MEF2C: variants seen among roughly 807,000 people sequenced by gnomAD.
MEF2C encodes myocyte-specific enhancer factor 2C.
MEF2C carries 6 observed loss-of-function variants against 50.5 expected under a neutral mutation model. The ratio of observed to expected loss-of-function variants is 0.12; its 90% CI spans 0.07 to 0.23. MEF2C has a LOEUF of 0.23. Among genes scored for constraint, MEF2C ranks in the 10% least tolerant of loss-of-function variants. The pLI, the probability that MEF2C is intolerant of heterozygous loss-of-function variation, is 1.00. For synonymous variants in MEF2C, 183 were observed against 228.0 expected (o/e 0.80, Z 1.78); for missense variants, 276 against 605.0 (o/e 0.46, Z 5.70).
intron 1 of MEF2C, chr5:88,880,877 C>T (rs1037928468): frequency 2.6e-5 from 4 of 151,936 alleles, no homozygotes; most frequent in African/African-American, 9.7e-5. Flanking sequence ...ATAAATTGCT[C>T]ATTTGTTATT....
chr5:88,737,832 G>A, intron 6 of MEF2C: 12 of 985,358 alleles, frequency 1.2e-5, no homozygotes, highest in Non-Finnish European at 1.4e-5. Context: ...ACTTTACACT[G>A]TAGGCTTTAT....
At chr5:88,898,998 G>T (rs1449758103) in intron 1 of MEF2C, among the ~76,000 whole-genome samples, 1 of 152,096 alleles carries the variant, frequency 6.6e-6, no homozygotes, top group Non-Finnish European at 1.5e-5. Flanking sequence ...AGCATTGTGT[G>T]TGGAGAATAT....
intron 3 of MEF2C, among the ~76,000 whole-genome samples, chr5:88,768,249 G>C (rs1277568215): frequency 5.3e-5 from 8 of 152,080 alleles, no homozygotes; most frequent in African/African-American, 1.9e-4. Context: ...ATTCACTTTG[G>C]AGTTTCACCA....
chr5:88,872,499 G>T (rs1459969300), intron 1 of MEF2C, among the ~76,000 whole-genome samples: 1 of 151,968 alleles, frequency 6.6e-6, no homozygotes, highest in African/African-American at 2.4e-5. Context: ...TACTTGCTCT[G>T]AATGTGACCC....
In MEF2C at chr5:88,800,583, G is replaced by A. The variant is rs563451128; in HGVS notation, c.258+4015C>T. Among the ~76,000 whole-genome samples, 23 of 152,232 alleles carry A rather than the reference G, an allele frequency of 1.5e-4. 1 individual carries two copies. In the South Asian group the frequency reaches 4.4e-3, roughly 29 times the overall value. The stretch of plus-strand genomic sequence containing the variant: ...TACTCAACAACCACATCTTCTTCCA[G>A]GAACAGAGCCCAACATAAACTGGTA... On this transcript the variant is annotated intron_variant, in intron 3 of 10. Coordinates refer to ENST00000504921, the MANE Select transcript of MEF2C (RefSeq NM_002397.5).
intron 1 of MEF2C, among the ~76,000 whole-genome samples, chr5:88,852,850 G>A (rs1410893266): frequency 1.3e-5 from 2 of 152,222 alleles, no homozygotes; most frequent in East Asian, 1.9e-4. Context: ...GAGAGGTGGC[G>A]CTTGCAGTGA....
At chr5:88,742,874 T>TA in intron 6 of MEF2C, 2 of 985,126 alleles carry the variant, frequency 2.0e-6, no homozygotes, top group Non-Finnish European at 2.4e-6. Context: ...TGTAGCTATC[T>TA]AATTTGAGGA....
chr5:88,846,070 C>CTT (rs869122348), intron 1 of MEF2C, among the ~76,000 whole-genome samples: 9 of 140,084 alleles, frequency 6.4e-5, no homozygotes, highest in East Asian at 4.1e-4. Flanking sequence ...TACTTCAAGT[C>CTT]TTTTTTTTTT....
intron 3 of MEF2C, among the ~76,000 whole-genome samples, chr5:88,803,771 C>T (rs1799297647): frequency 6.6e-6 from 1 of 151,820 alleles, no homozygotes; most frequent in Non-Finnish European, 1.5e-5. Context: ...ACAATGTGCA[C>T]ATGTACCCTA....
rs763339882 is a variant in MEF2C, at chr5:88,729,246, T to C, written c.936A>G (p.Pro312=). 27 of 1,613,184 alleles carry C rather than the reference T, an allele frequency of 1.7e-5. 1 individual carries two copies. The highest frequency in any genetic ancestry group is 1.3e-4 in the South Asian group (12 of 91,072). The change falls in exon 9 of 11, where the codon CCA becomes CCG. Residue 312 remains proline, a synonymous_variant. Transcript: ENST00000504921. ...TLPGQGMGGY[P]SAISTTYGTE... ...TACCATATGTTGTTGAAATGGCTGATGGATATCCTCCCATTCCTTGTCCTG... is the reference window on the plus strand; with the variant it reads ...TACCATATGTTGTTGAAATGGCTGACGGATATCCTCCCATTCCTTGTCCTG...
chr5:88,851,516 T>C (rs540905645), intron 1 of MEF2C, among the ~76,000 whole-genome samples: 9 of 152,306 alleles, frequency 5.9e-5, no homozygotes, highest in Admixed American at 2.0e-4. Context: ...TCCATTTTGA[T>C]GTCAATCAAC....
rs113072006 is a variant in MEF2C at position 88,771,628 on chromosome 5, A to G, written c.259-10300T>C. The G allele has an allele frequency of 7.4e-4, 727 of 985,186 alleles. 4 individuals are homozygous for G. The African/African-American group carries it at 0.012, about 16-fold the overall frequency. 61.0% of individuals were successfully genotyped at this position (985,186 alleles called of 1,614,324 possible). ...GGCTTGGGTAATATGTGTGGACTCA[A>G]CCAAGATTCTCAGTTATGGTTCACT... On this transcript the variant is annotated intron_variant, in intron 3 of 10. Coordinates refer to ENST00000504921, the MANE Select transcript of MEF2C (RefSeq NM_002397.5).
chr5:88,757,273 G>C (rs1280915844), intron 4 of MEF2C, among the ~76,000 whole-genome samples: 2 of 152,146 alleles, frequency 1.3e-5, no homozygotes, highest in East Asian at 3.8e-4. Flanking sequence ...AAATAAAATA[G>C]TTAAAGTAAA....
At chr5:88,858,164 A>G (rs765819537) in intron 1 of MEF2C, among the ~76,000 whole-genome samples, 2 of 152,172 alleles carry the variant, frequency 1.3e-5, no homozygotes, top group African/African-American at 2.4e-5. Context: ...CAATGCATAC[A>G]TCTTTCCTCC....
At chr5:88,857,354 T>C (rs1186637931) in intron 1 of MEF2C, among the ~76,000 whole-genome samples, 1 of 152,176 alleles carries the variant, frequency 6.6e-6, no homozygotes, top group Non-Finnish European at 1.5e-5. Flanking sequence ...CTAACTAACA[T>C]GCTTTTGATA....
chr5:88,772,875 G>A, intron 3 of MEF2C: 2 of 985,432 alleles, frequency 2.0e-6, no homozygotes, highest in Non-Finnish European at 2.4e-6. Context: ...TATGCCCTGT[G>A]AAGAACAAAC....
At chr5:88,820,009 T>C (rs1807478183) in intron 2 of MEF2C, among the ~76,000 whole-genome samples, 1 of 151,998 alleles carries the variant, frequency 6.6e-6, no homozygotes, top group Non-Finnish European at 1.5e-5. Context: ...GTAATATTTG[T>C]TGATTTCACA....
intron 2 of MEF2C, among the ~76,000 whole-genome samples, chr5:88,819,972 A>G (rs200259002): frequency 6.6e-6 from 1 of 151,984 alleles, no homozygotes; most frequent in East Asian, 1.9e-4. Context: ...ACCACTGAAT[A>G]CTTGGTGTTA....
At chr5:88,816,465 C>CTTTTTTT (rs70996497) in intron 2 of MEF2C, among the ~76,000 whole-genome samples, 38 of 86,092 alleles carry the variant, frequency 4.4e-4, no homozygotes, top group East Asian at 7.6e-4. Context: ...CTGCCTACTG[C>CTTTTTTT]TTTTTTTTTT....
Sources: allele counts gnomAD v4.1 joint callset (sites outside exome capture counted in the v4.1 genomes callset), GRCh38; gene constraint gnomAD v4.1.1; transcripts MANE v1.5; gene names NCBI Gene and HGNC (gene_info 2026-07-23, HGNC 2026-07-21).